LAYN: variants seen among roughly 807,000 people sequenced by gnomAD.
LAYN encodes layilin.
Under a neutral mutation model 43.6 loss-of-function variants are expected in LAYN, and 38 were observed. The ratio of observed to expected loss-of-function variants is 0.87; its 90% CI spans 0.67 to 1.14. LAYN has a LOEUF of 1.14. LAYN is among the 50% of genes most tolerant of loss of function. The probability of loss-of-function intolerance (pLI) is 0.00; values close to 1 mark genes in which losing one functional copy is unlikely to be tolerated. For missense variants in LAYN, 479 were observed against 463.8 expected (o/e 1.03, Z -0.30); for synonymous variants, 168 against 172.9 (o/e 0.97, Z 0.22).
At chr11:111,546,658 GTGCTCTTTGGTCCTGGAT>G (rs1278090199) in intron 2 of LAYN, among the ~76,000 whole-genome samples, 1 of 152,230 alleles carries the variant, frequency 6.6e-6, no homozygotes, top group African/African-American at 2.4e-5. Flanking sequence ...TGCTTATGCA[GTGCTCTTTGGTCCTGGAT>G]GTACCTCTTC....
intron 1 of LAYN, among the ~76,000 whole-genome samples, chr11:111,543,043 A>G (rs1221517546): frequency 6.6e-6 from 1 of 152,196 alleles, no homozygotes; most frequent in African/African-American, 2.4e-5. Flanking sequence ...CAGACTGATA[A>G]GACACATTAC....
chr11:111,550,268 G>A (rs184704214), intron 3 of LAYN, among the ~76,000 whole-genome samples: 226 of 152,340 alleles, frequency 1.5e-3, no homozygotes, highest in Non-Finnish European at 2.4e-3. Context: ...CAGGTAATTT[G>A]ATGAGCAGAT....
At chr11:111,541,664 CT>C (rs1867542650) in intron 1 of LAYN, 1 of 1,368,346 alleles carries the variant, frequency 7.3e-7, no homozygotes, top group Non-Finnish European at 1.0e-6. Flanking sequence ...TTCTCAGATC[CT>C]TTTTGCGGGT....
intron 3 of LAYN, 22 bp from the exon 4 acceptor site, chr11:111,554,539 T>C: frequency 1.2e-6 from 2 of 1,600,042 alleles, no homozygotes; most frequent in South Asian, 2.2e-5. Flanking sequence ...CTTATTTTTG[T>C]TTTTGTTTCT....
chr11:111,554,463 A>G, intron 3 of LAYN, 98 bp from the exon 4 acceptor site: 1 of 908,356 alleles, frequency 1.1e-6, no homozygotes, highest in Non-Finnish European at 1.8e-6. Flanking sequence ...GGAGGAATGA[A>G]TCAGCAAATA....
At chr11:111,553,485 G>A (rs1478806749) in intron 3 of LAYN, among the ~76,000 whole-genome samples, 1 of 151,716 alleles carries the variant, frequency 6.6e-6, no homozygotes, top group Non-Finnish European at 1.5e-5. Context: ...CAGGCATGGT[G>A]GCGCATGCCT....
At position 111,540,751 on chromosome 11, in the gene LAYN, T is replaced by A; in HGVS notation, c.-93T>A. On this transcript the variant is annotated 5_prime_UTR_variant, in exon 1 of 7. Coordinates refer to ENST00000375614, the MANE Select transcript of LAYN (RefSeq NM_178834.5). The stretch of plus-strand genomic sequence containing the variant: ...TCCGTCGGTGGCCTAGAGATGCTGC[T>A]GCCGCGGTTGCAGTTGTCGCGCACG... 1 of 1,270,174 alleles carries A rather than the reference T, an allele frequency of 7.9e-7. No homozygotes were observed. The highest frequency in any genetic ancestry group is 1.1e-6 in the Non-Finnish European group (1 of 945,996). 78.7% of individuals were successfully genotyped at this position (1,270,174 alleles called of 1,614,324 possible). A position where few individuals can be genotyped will look rare whatever the true frequency, so the allele number is the denominator to read the frequency against.
chr11:111,541,886 G>A (rs545222021), intron 1 of LAYN, among the ~76,000 whole-genome samples: 1 of 152,220 alleles, frequency 6.6e-6, no homozygotes, highest in East Asian at 1.9e-4. Context: ...CCCACCCTTC[G>A]CCTTCCTGCA....
chr11:111,557,842 T>C (rs775621874), intron 6 of LAYN, among the ~76,000 whole-genome samples, 199 bp downstream of exon 6: 17 of 152,204 alleles, frequency 1.1e-4, no homozygotes, highest in Non-Finnish European at 1.9e-4. Context: ...AGAGTGATCT[T>C]ACTTGCTTTA....
At chr11:111,555,105 T>C in intron 4 of LAYN, 102 bp from the exon 5 acceptor site, 1 of 861,844 alleles carries the variant, frequency 1.2e-6, no homozygotes, top group Non-Finnish European at 1.9e-6. Context: ...CTGGCAAAAT[T>C]TCTACAGCTT....
In LAYN at chr11:111,541,730, C is replaced by A. The variant is rs1300992093; in HGVS notation, c.85+802C>A. On this transcript the variant is annotated intron_variant, in intron 1 of 6. Transcript: ENST00000375614. Reference sequence around the variant, plus strand: ...AGACTGGGAACCTCCTCTACTCTGGCATCCTGGCTTGCGAAACTAATTTAA... The same window carrying A: ...AGACTGGGAACCTCCTCTACTCTGGAATCCTGGCTTGCGAAACTAATTTAA... 8.0e-6 allele frequency: 6 copies of A among 745,742 alleles called. No homozygotes were observed. In the East Asian group the frequency reaches 1.3e-4, roughly 17 times the overall value. 46.2% of individuals were successfully genotyped at this position (745,742 alleles called of 1,614,324 possible). A position where few individuals can be genotyped will look rare whatever the true frequency, so the allele number is the denominator to read the frequency against.
At chr11:111,540,675 G>C (rs1867512056), upstream of LAYN, 2 of 588,602 alleles carry the variant, frequency 3.4e-6, no homozygotes, top group Non-Finnish European at 5.6e-6. Context: ...GTCCCAGGGG[G>C]CGGAGGGGCG....
At chr11:111,541,462 C>G in intron 1 of LAYN, 1 of 1,190,714 alleles carries the variant, frequency 8.4e-7, no homozygotes, top group Non-Finnish European at 1.2e-6. Context: ...GGTATGAGAG[C>G]GCTTAGAGAT....
At chr11:111,545,405 C>T (rs1867632998) in intron 2 of LAYN, among the ~76,000 whole-genome samples, 2 of 152,164 alleles carry the variant, frequency 1.3e-5, no homozygotes. Flanking sequence ...GTCCTAGTTG[C>T]CTTGCCCTTA....
intron 6 of LAYN, 88 bp from the exon 7 acceptor site, chr11:111,560,007 G>C: frequency 1.4e-6 from 2 of 1,465,920 alleles, no homozygotes; most frequent in South Asian, 2.8e-5. Context: ...ACTGCCCAGG[G>C]CTGCTTCCTC....
rs577806218 is a variant in LAYN, at chr11:111,540,728, C to T, written c.-116C>T. On this transcript the variant is annotated 5_prime_UTR_variant, in exon 1 of 7. Transcript: ENST00000375614. ...CCTCCCCCCCGCCTCCCGTGCGGTC[C>T]GTCGGTGGCCTAGAGATGCTGCTGC... The T allele has an allele frequency of 1.1e-5, 11 of 1,017,274 alleles. No homozygotes were observed. The highest frequency in any genetic ancestry group is 3.2e-4 in the Middle Eastern group (1 of 3,112). 63.0% of individuals were successfully genotyped at this position (1,017,274 alleles called of 1,614,324 possible).
At chr11:111,559,621 G>A (rs931771675) in intron 6 of LAYN, among the ~76,000 whole-genome samples, 3 of 151,892 alleles carry the variant, frequency 2.0e-5, no homozygotes, top group African/African-American at 7.3e-5. Context: ...ACCATGCCTG[G>A]TTAATTTTTG....
At chr11:111,556,992 C>T (rs1867858237) in intron 5 of LAYN, among the ~76,000 whole-genome samples, 1 of 152,158 alleles carries the variant, frequency 6.6e-6, no homozygotes, top group Admixed American at 6.5e-5. Context: ...CTGTAATTTA[C>T]TTGCTTCCTG....
Position 111,560,321 on chromosome 11 carries a change from C to G in LAYN, c.988C>G (p.Pro330Ala). ...SCDYDNMAVN[P>A]SESGFVTLVS... ...TGACTATGACAACATGGCTGTGAACCCATCAGAAAGTGGGTTTGTGACTCT... is the reference window on the plus strand; with the variant it reads ...TGACTATGACAACATGGCTGTGAACGCATCAGAAAGTGGGTTTGTGACTCT... Residue 330 changes from proline (P) to alanine (A), a missense_variant, in exon 7 of 7, where the codon CCA (proline) becomes GCA (alanine). Transcript: ENST00000375614. 1 of 1,614,138 alleles carries G rather than the reference C, an allele frequency of 6.2e-7. No homozygotes were observed.
Sources: allele counts gnomAD v4.1 joint callset (sites outside exome capture counted in the v4.1 genomes callset), GRCh38; gene constraint gnomAD v4.1.1; transcripts MANE v1.5; gene names NCBI Gene and HGNC (gene_info 2026-07-23, HGNC 2026-07-21).